SPAG16: variants seen among roughly 807,000 people sequenced by gnomAD.
SPAG16 encodes the protein sperm associated antigen 16.
A neutral mutation model predicts 80.4 loss-of-function variants in SPAG16; 86 were observed. The observed-to-expected ratio is 1.07, with a 90% CI of 0.90 to 1.28. SPAG16 has a LOEUF of 1.28. Among genes scored for constraint, SPAG16 ranks in the 50% most tolerant of loss-of-function variants. The pLI is 0.00. For synonymous variants in SPAG16, 294 were observed against 265.9 expected (o/e 1.11, Z -1.03); for missense variants, 870 against 765.3 (o/e 1.14, Z -1.61).
intron 13 of SPAG16, among the ~76,000 whole-genome samples, chr2:214,058,703 G>T (rs530572696): frequency 6.6e-6 from 1 of 152,204 alleles, no homozygotes; most frequent in East Asian, 1.9e-4. Flanking sequence ...AATAAAATGA[G>T]ATATGCATGT....
At chr2:213,641,135 G>C (rs955465937) in intron 10 of SPAG16, among the ~76,000 whole-genome samples, 4 of 152,106 alleles carry the variant, frequency 2.6e-5, no homozygotes, top group African/African-American at 9.7e-5. Flanking sequence ...GGAATGTGGG[G>C]GTTGTTCTCA....
intron 15 of SPAG16, among the ~76,000 whole-genome samples, chr2:214,298,880 A>C (rs1365249335): frequency 6.6e-6 from 1 of 152,200 alleles, no homozygotes; most frequent in Non-Finnish European, 1.5e-5. Context: ...GATTAGAGGA[A>C]TGAAATTCTC....
At chr2:213,671,624 T>C (rs2063815414) in intron 10 of SPAG16, among the ~76,000 whole-genome samples, 1 of 152,212 alleles carries the variant, frequency 6.6e-6, no homozygotes, top group Non-Finnish European at 1.5e-5. Flanking sequence ...AATAACTTAA[T>C]GACTATGGTG....
At chr2:213,575,769 A>G (rs778535467) in intron 10 of SPAG16, among the ~76,000 whole-genome samples, 1 of 152,174 alleles carries the variant, frequency 6.6e-6, no homozygotes, top group Non-Finnish European at 1.5e-5. Context: ...AATGCAATGG[A>G]TATAGCTCAA....
intron 15 of SPAG16, among the ~76,000 whole-genome samples, chr2:214,207,501 A>G (rs955315754): frequency 7.2e-5 from 11 of 152,172 alleles, no homozygotes; most frequent in South Asian, 2.1e-4. Context: ...GTGCTGATCT[A>G]TCTTCTCAAA....
At chr2:213,525,750 A>T (rs190415859) in intron 10 of SPAG16, among the ~76,000 whole-genome samples, 5 of 152,186 alleles carry the variant, frequency 3.3e-5, no homozygotes, top group Admixed American at 3.3e-4. Context: ...TGCTTTCTTA[A>T]ATATATCCAT....
intron 14 of SPAG16, among the ~76,000 whole-genome samples, chr2:214,120,616 G>A (rs974131770): frequency 1.3e-5 from 2 of 151,730 alleles, no homozygotes; most frequent in Admixed American, 6.6e-5. Context: ...TGTACCCAAT[G>A]AGTAATTTTC....
intron 3 of SPAG16, among the ~76,000 whole-genome samples, chr2:213,306,902 T>C (rs2062963634): frequency 6.6e-6 from 1 of 152,202 alleles, no homozygotes; most frequent in Non-Finnish European, 1.5e-5. Context: ...AATATGAAGT[T>C]AAAGCCTGGT....
intron 3 of SPAG16, 51 bp from the exon 4 acceptor site, chr2:213,310,004 CATTA>C (rs1480413478): frequency 3.5e-6 from 4 of 1,148,130 alleles, no homozygotes; most frequent in South Asian, 1.4e-5. Context: ...TTATCTATAT[CATTA>C]ATTAATGCTT....
chr2:214,254,922 A>G (rs115992160), intron 15 of SPAG16, among the ~76,000 whole-genome samples: 3,963 of 152,084 alleles, frequency 0.026, 65 homozygotes, highest in South Asian at 0.057. Context: ...AAAATAAAAT[A>G]AAATAAAGAA....
intron 9 of SPAG16, among the ~76,000 whole-genome samples, chr2:213,408,502 G>C (rs1279537499): frequency 6.6e-6 from 1 of 152,206 alleles, no homozygotes; most frequent in African/African-American, 2.4e-5. Flanking sequence ...CTTAAAGTAT[G>C]GGGCTATTCT....
intron 9 of SPAG16, among the ~76,000 whole-genome samples, chr2:213,410,108 C>A (rs1415305819): frequency 1.3e-5 from 2 of 151,994 alleles, no homozygotes; most frequent in Non-Finnish European, 2.9e-5. Flanking sequence ...TCATCACACC[C>A]GAGTCAAGAA....
chr2:213,448,709 A>C (rs1272991206), intron 9 of SPAG16, among the ~76,000 whole-genome samples: 1 of 152,218 alleles, frequency 6.6e-6, no homozygotes, highest in Admixed American at 6.5e-5. Context: ...GACATTTATC[A>C]GTTCCCAAAT....
chr2:214,298,763 C>T lies in SPAG16; in HGVS notation c.1721-111377C>T, dbSNP rs1025100017. ...GAACAGTTTTAGTTTTCCCTAGGCT[C>T]GATTTCTTTTTCAATCTTGAGGTGC... On this transcript the variant is annotated intron_variant, in intron 15 of 15. Transcript: ENST00000331683. Among the ~76,000 whole-genome samples, 7 of 152,104 alleles carry T rather than the reference C, an allele frequency of 4.6e-5. 1 individual carries two copies. The South Asian group carries it at 8.3e-4, about 18-fold the overall frequency.
intron 11 of SPAG16, among the ~76,000 whole-genome samples, chr2:213,924,937 A>T (rs2078398485): frequency 6.6e-6 from 1 of 151,434 alleles, no homozygotes; most frequent in African/African-American, 2.4e-5. Context: ...GATATATTAG[A>T]TGTTTATAAT....
intron 12 of SPAG16, among the ~76,000 whole-genome samples, chr2:213,946,129 G>A (rs537493043): frequency 5.3e-5 from 8 of 151,750 alleles, no homozygotes; most frequent in African/African-American, 1.9e-4. Context: ...AAATTTTTTT[G>A]TGTGTGATGG....
intron 11 of SPAG16, among the ~76,000 whole-genome samples, chr2:213,909,267 A>G (rs1224175301): frequency 6.6e-6 from 1 of 152,124 alleles, no homozygotes; most frequent in African/African-American, 2.4e-5. Flanking sequence ...GCTCATGGGT[A>G]GGAAGAATCA....
intron 15 of SPAG16, among the ~76,000 whole-genome samples, chr2:214,295,591 G>A (rs1694075968): frequency 6.6e-6 from 1 of 152,110 alleles, no homozygotes; most frequent in Admixed American, 6.5e-5. Context: ...AGGAGTTTGA[G>A]ACCAGCCTGG....
At chr2:214,046,921 T>C (rs2049360444) in intron 13 of SPAG16, among the ~76,000 whole-genome samples, 1 of 149,802 alleles carries the variant, frequency 6.7e-6, no homozygotes, top group African/African-American at 2.5e-5. Flanking sequence ...AAAAAAACAA[T>C]TTAGCAATCC....
Sources: gnomAD v4.1 joint callset for allele counts (sites outside exome capture counted in the v4.1 genomes callset) on GRCh38, gnomAD v4.1.1 for gene constraint, MANE v1.5 for transcripts, NCBI Gene and HGNC (gene_info 2026-07-23, HGNC 2026-07-21) for gene names.